FBN3: variants seen among roughly 807,000 people sequenced by gnomAD.
The protein encoded by FBN3 is fibrillin-3.
In FBN3, 234 loss-of-function variants were observed where a neutral mutation model predicts 330.1. The observed-to-expected ratio is 0.71, with a 90% confidence interval of 0.64 to 0.79. The LOEUF (loss-of-function observed/expected upper bound fraction) is 0.79. FBN3 is among the 30% of genes least tolerant of loss of function. The pLI, the probability that FBN3 is intolerant of heterozygous loss-of-function variation, is 0.00. For missense variants in FBN3, 3,606 were observed against 3,886.9 expected (o/e 0.93, Z 1.92); for synonymous variants, 1,458 against 1,517.3 (o/e 0.96, Z 0.91).
chr19:8,138,258 C>A lies in FBN3; in HGVS notation c.1084G>T (p.Gly362Cys), dbSNP rs377446350. 1.2e-6 allele frequency: 2 copies of A among 1,612,080 alleles called. No individual in the cohort carries two copies. Among genetic ancestry groups the A allele is most frequent in the Non-Finnish European group, 1.7e-6 (2 of 1,179,462 alleles). The change falls in exon 10 of 64, where the codon GGC (glycine) becomes TGC (cysteine). Residue 362 changes from glycine to cysteine, a missense_variant. Transcript: ENST00000600128. The stretch of plus-strand genomic sequence containing the variant: ...CCATTGGATCCGAAGCCCAGGAGGC[C>A]AGGGAAGAGGCCAGGGTGGCCGGGT... The part of the protein sequence containing the change: ...LLPGHPGLFP[G>C]LLGFGSNGMG...
At chr19:8,102,697 GGAA>G (rs1568397141) in intron 40 of FBN3, 24 bp downstream of exon 40, 1 of 1,602,120 alleles carries the variant, frequency 6.2e-7, no homozygotes, top group African/African-American at 1.3e-5. Context: ...GGCCAGGCTG[GGAA>G]GAAGGTTGGG....
At position 8,115,542 on chromosome 19, in the gene FBN3, C is replaced by A. The variant is rs2082686937; in HGVS notation, c.3811G>T (p.Val1271Phe). The A allele has an allele frequency of 6.2e-7, 1 of 1,613,968 alleles. No individual in the cohort carries two copies. The highest frequency in any genetic ancestry group is 2.2e-5 in the East Asian group (1 of 44,872). ...FVCHCQLGYM[V>F]RKGATGCSDV... ...GAGCAGCCTGTGGCCCCCTTCCTGA[C>A]CATGTAGCCCAGCTGACAGTGGCAG... Residue 1271 changes from valine (V) to phenylalanine (F), a missense_variant, in exon 30 of 64, where the codon GTC (valine) becomes TTC (phenylalanine). By Grantham distance (50) the Val-to-Phe change is conservative. Transcript: ENST00000600128.
intron 1 of FBN3, chr19:8,147,855 C>T: frequency 5.7e-6 from 1 of 175,084 alleles, no homozygotes; most frequent in Non-Finnish European, 1.2e-5. Flanking sequence ...CAATGAAGAG[C>T]CCTTGAAAAG....
intron 6 of FBN3, among the ~76,000 whole-genome samples, chr19:8,143,492 C>CT (rs1472260736): frequency 8.1e-6 from 1 of 122,790 alleles, no homozygotes; most frequent in African/African-American, 3.4e-5. Flanking sequence ...TTTTTCTTTT[C>CT]TTTTCTTTTT....
At chr19:8,086,122 C>A (rs542739269) in intron 55 of FBN3, 78 bp downstream of exon 55, 1 of 1,185,814 alleles carries the variant, frequency 8.4e-7, no homozygotes, top group African/African-American at 2.4e-5. Flanking sequence ...GTGGGGGGAA[C>A]AGGCAGTGGG....
intron 32 of FBN3, 133 bp downstream of exon 32, chr19:8,111,515 C>G (rs1448980800): frequency 3.8e-6 from 4 of 1,041,822 alleles, no homozygotes; most frequent in Non-Finnish European, 5.5e-6. Flanking sequence ...GAGGACACAG[C>G]CTCTCCAGCA....
At chr19:8,083,805 CTT>C (rs372453716) in intron 56 of FBN3, among the ~76,000 whole-genome samples, 11 of 134,068 alleles carry the variant, frequency 8.2e-5, no homozygotes, top group Non-Finnish European at 8.0e-5. Flanking sequence ...ACTATTTTTT[CTT>C]TTTTTTTTTT....
intron 13 of FBN3, 25 bp downstream of exon 13, chr19:8,135,936 G>GGGGGGGGGCCCCCCCCCCCCCCCCC: frequency 1.5e-6 from 1 of 668,778 alleles, no homozygotes; most frequent in Non-Finnish European, 2.4e-6. Context: ...GGAAGCCCCT[G>GGGGGGGGGCCCCCCCCCCCCCCCCC]CCCACCCGCC....
intron 63 of FBN3, among the ~76,000 whole-genome samples, chr19:8,068,467 T>C (rs2081439328): frequency 6.6e-6 from 1 of 151,174 alleles, no homozygotes; most frequent in Non-Finnish European, 1.5e-5. Context: ...GAAGCTGAAG[T>C]GGGTGGATCA....
Position 8,121,501 on chromosome 19 carries a change from G to C in FBN3, c.3083-115C>G. 3 of 1,083,622 alleles carry C rather than the reference G, an allele frequency of 2.8e-6. No homozygotes were observed. The highest frequency in any genetic ancestry group is 3.8e-6 in the Non-Finnish European group (3 of 785,200). 67.1% of individuals were successfully genotyped at this position (1,083,622 alleles called of 1,614,324 possible). ...GTGGGCTAGAGGAAGCCCATCTGCA[G>C]ACATAAGGAGGCACAGGCCAAGAGG... is the stretch of plus-strand genomic sequence containing the variant. On this transcript the variant is annotated intron_variant, in intron 24 of 63. Transcript: ENST00000600128. The surrounding 1 kb of genome is among the most constrained non-coding windows in gnomAD (Gnocchi z 4.5).
rs191526082 is a variant in FBN3, at chr19:8,137,039, C to T, written c.1202-508G>A. On this transcript the variant is annotated intron_variant, in intron 10 of 63. Transcript: ENST00000600128. Reference sequence around the variant, plus strand: ...CCTAGATCCCTCCAAACTGGCACCTCGATCCCTTCAACCTGGGACCTGGAT... The same window carrying T: ...CCTAGATCCCTCCAAACTGGCACCTTGATCCCTTCAACCTGGGACCTGGAT... 2.4e-3 allele frequency among the ~76,000 whole-genome samples: 239 copies of T among 99,304 alleles called. 5 individuals carry two copies. Among genetic ancestry groups the T allele is most frequent in the Admixed American group, 4.7e-3 (42 of 8,862 alleles). 65.1% of individuals were successfully genotyped at this position (99,304 alleles called of 152,430 possible). A position where few individuals can be genotyped will look rare whatever the true frequency, so the allele number is the denominator to read the frequency against.
At chr19:8,075,920 G>A (rs773255359) in intron 59 of FBN3, among the ~76,000 whole-genome samples, 1 of 152,164 alleles carries the variant, frequency 6.6e-6, no homozygotes, top group African/African-American at 2.4e-5. Context: ...GAATGTTCGT[G>A]TCTCTCCAAA....
rs1348401776 is a variant in FBN3, at chr19:8,087,934, G to A, written c.6510C>T (p.Cys2170=). The A allele has an allele frequency of 6.2e-7, 1 of 1,614,150 alleles. No individual in the cohort carries two copies. Among genetic ancestry groups the A allele is most frequent in the Non-Finnish European group, 8.5e-7 (1 of 1,180,030 alleles). The change falls in exon 53 of 64, where the codon TGC becomes TGT. Residue 2170 remains cysteine (C), a synonymous_variant. Transcript: ENST00000600128. The part of the protein sequence containing the change: ...LMMTCEDIDE[C]SLNPLLCAFR... Reference sequence around the variant, plus strand: ...AGGCACAGAGCAGCGGGTTCAGGGAGCATTCGTCGATGTCTGGGGAGGCCA... The same window carrying A: ...AGGCACAGAGCAGCGGGTTCAGGGAACATTCGTCGATGTCTGGGGAGGCCA...
At chr19:8,135,936 G>GGGGGGGGGGGGGGGGGC in intron 13 of FBN3, 25 bp downstream of exon 13, 117 of 668,718 alleles carry the variant, frequency 1.7e-4, no homozygotes, top group Middle Eastern at 4.8e-4. Flanking sequence ...GGAAGCCCCT[G>GGGGGGGGGGGGGGGGGC]CCCACCCGCC....
Position 8,111,685 on chromosome 19 carries a change from G to A in FBN3, c.4047C>T (p.Cys1349=), listed in dbSNP as rs35306870. 0.24 allele frequency: 389,242 copies of A among 1,611,512 alleles called. 49,442 individuals are homozygous for A. The highest frequency in any genetic ancestry group is 0.47 in the East Asian group (20,809 of 44,666). The change falls in exon 32 of 64, where the codon TGC becomes TGT. Residue 1349 remains cysteine (C), a synonymous_variant. Coordinates refer to ENST00000600128, the MANE Select transcript of FBN3 (RefSeq NM_032447.5). ...AGCCATCCCCGGCAAAGCCCTGGCG[G>A]CAGGTGCAGCGGTAGGAGCCAGGGA... is the stretch of plus-strand genomic sequence containing the variant. ...LNVPGSYRCT[C]RQGFAGDGFF... is the part of the protein sequence containing the mutation.
chr19:8,123,075 C>T (rs2082891279), intron 24 of FBN3, among the ~76,000 whole-genome samples: 1 of 151,906 alleles, frequency 6.6e-6, no homozygotes. Flanking sequence ...AGGTGTTCGC[C>T]AGGCACAGTG....
In FBN3 at chr19:8,116,734, C is replaced by G. The variant is rs1392244674; in HGVS notation, c.3652G>C (p.Gly1218Arg). 1 of 1,614,074 alleles carries G rather than the reference C, an allele frequency of 6.2e-7. No homozygotes were observed. Among genetic ancestry groups the G allele is most frequent in the African/African-American group, 1.3e-5 (1 of 75,026 alleles). Residue 1218 changes from glycine to arginine, a missense_variant, in exon 29 of 64, where the codon GGT (glycine) becomes CGT (arginine). Physicochemically the swap from Gly to Arg is moderately radical, Grantham distance 125. Coordinates refer to ENST00000600128, the MANE Select transcript of FBN3 (RefSeq NM_032447.5). ...CCATCATAGCACAGGCAGCGGTGACCCCCTGGCATGTTGGTGCAGTGGCCT... is the reference window on the plus strand; with the variant it reads ...CCATCATAGCACAGGCAGCGGTGACGCCCTGGCATGTTGGTGCAGTGGCCT... ...DQGHCTNMPGGHRCLCYDGFM... is the reference protein window; with the variant it reads ...DQGHCTNMPGRHRCLCYDGFM...
intron 60 of FBN3, 21 bp from the exon 61 acceptor site, chr19:8,075,211 G>C (rs1451504270): frequency 3.8e-6 from 6 of 1,571,726 alleles, no homozygotes; most frequent in African/African-American, 1.3e-5. Context: ...GAGAGAGGGA[G>C]AGAGGGTTTA....
In FBN3 at chr19:8,131,560, C is replaced by T. The variant is rs4804271; in HGVS notation, c.1984G>A (p.Asp662Asn). 1 allele frequency: 1,601,271 copies of T among 1,606,510 alleles called. 798,094 individuals are homozygous for T. The highest frequency in any genetic ancestry group is 1 in the Non-Finnish European group (1,173,732 of 1,174,656). The change falls in exon 15 of 64, where the codon GAC (aspartate) becomes AAC (asparagine). Residue 662 changes from aspartate to asparagine, a missense_variant. By Grantham distance (23) the Asp-to-Asn change is conservative. Coordinates refer to ENST00000600128, the MANE Select transcript of FBN3 (RefSeq NM_032447.5). The surrounding 1 kb of genome is among the most constrained non-coding windows in gnomAD (Gnocchi z 4.5). ...GEPCQLCPAK[D>N]SAEFQALCSS... ...CGGGCAGCCGGATGCTCACCGGAGT[C>T]TTTGGCAGGACAAAGCTGGCAGGGC...
Sources: allele counts gnomAD v4.1 joint callset (sites outside exome capture counted in the v4.1 genomes callset), GRCh38; gene constraint gnomAD v4.1.1; non-coding constraint Gnocchi (gnomAD v3.1); transcripts MANE v1.5; gene names NCBI Gene and HGNC (gene_info 2026-07-23, HGNC 2026-07-21).